The following UBR4 variants were observed in gnomAD, a reference collection of about 807,000 sequenced individuals.
UBR4 encodes ubiquitin protein ligase E3 component n-recognin 4.
Under a neutral mutation model 575.6 loss-of-function variants are expected in UBR4, and 124 were observed. The ratio of observed to expected loss-of-function variants is 0.22; its 90% CI spans 0.19 to 0.25. The LOEUF (loss-of-function observed/expected upper bound fraction) is 0.25, where lower values mean the gene tolerates loss of function less well. Among genes scored for constraint, UBR4 ranks in the 10% least tolerant of loss-of-function variants. UBR4 has a pLI of 1.00. For missense variants in UBR4, 4,818 were observed against 6,478.8 expected (o/e 0.74, Z 8.80); for synonymous variants, 2,455 against 2,473.7 (o/e 0.99, Z 0.22).
Position 19,115,629 on chromosome 1 carries a change from C to T in UBR4, c.10832G>A (p.Arg3611His), listed in dbSNP as rs771012040. The change falls in exon 74 of 106, where the codon CGC becomes CAC. Residue 3611 changes from arginine to histidine, a missense_variant. Around this residue, in one of 29 missense-constraint regions of UBR4, gnomAD observed 550 missense variants for 791.5 expected, o/e 0.69. Coordinates refer to ENST00000375254, the MANE Select transcript of UBR4 (RefSeq NM_020765.3). ...CTGAACCTTCTTGGCTTTGTGCCAG[C>T]GAGCTGGCCTAGGAAAGACAGACAG... Reference protein sequence around the residue: ...AIVELKNKPARWHKAKKVQLT... With the variant: ...AIVELKNKPAHWHKAKKVQLT... The T allele has an allele frequency of 4.9e-5, 79 of 1,613,962 alleles. No individual in the cohort carries two copies. Among genetic ancestry groups the T allele is most frequent in the South Asian group, 3.1e-4 (28 of 91,082 alleles).
chr1:19,172,936 T>C lies in UBR4; in HGVS notation c.3449A>G (p.Lys1150Arg). 1 of 1,614,126 alleles carries C rather than the reference T, an allele frequency of 6.2e-7. No individual in the cohort carries two copies. ...TAGGTTCTTGGTAATCTCAGACGACTTATGAGGATCAGTCTCAGCAGCCAT... is the reference window on the plus strand; with the variant it reads ...TAGGTTCTTGGTAATCTCAGACGACCTATGAGGATCAGTCTCAGCAGCCAT... ...SKMAAETDPH[K>R]SSEITKNLLP... The change falls in exon 25 of 106, where the codon AAG becomes AGG. Residue 1150 changes from lysine (K) to arginine (R), a missense_variant. Transcript: ENST00000375254.
intron 11 of UBR4, among the ~76,000 whole-genome samples, 191 bp from the exon 12 acceptor site, chr1:19,187,731 C>T (rs1458555427): frequency 6.6e-6 from 1 of 152,056 alleles, no homozygotes; most frequent in Non-Finnish European, 1.5e-5. Flanking sequence ...GAACCCCATC[C>T]ACAGATGGCC....
intron 70 of UBR4, 66 bp from the exon 71 acceptor site, chr1:19,119,023 T>G: frequency 6.7e-7 from 1 of 1,482,080 alleles, no homozygotes; most frequent in Non-Finnish European, 9.4e-7. Context: ...AAAAGACTTT[T>G]GTCTTCTGCA....
Position 19,105,104 on chromosome 1 carries a change from T to TCCAGTG in UBR4, c.12583_12588dup (p.His4195_Trp4196dup), listed in dbSNP as rs746205984. 2 of 1,613,966 alleles carry TCCAGTG rather than the reference T, an allele frequency of 1.2e-6. No individual in the cohort carries two copies. Among genetic ancestry groups the TCCAGTG allele is most frequent in the South Asian group, 2.2e-5 (2 of 91,068 alleles). On this transcript the variant is annotated inframe_insertion, in exon 85 of 106. Transcript: ENST00000375254. Reference sequence around the variant, plus strand: ...ACTCCCCGAGCTGCCAAGTAGACTTTCCAGTGCGCAGAAGTGATGAGCTTC... The same window carrying TCCAGTG: ...ACTCCCCGAGCTGCCAAGTAGACTTTCCAGTGCCAGTGCGCAGAAGTGATGAGCTTC...
At chr1:19,098,321 A>G (rs2078266796) in intron 90 of UBR4, among the ~76,000 whole-genome samples, 1 of 152,254 alleles carries the variant, frequency 6.6e-6, no homozygotes, top group Admixed American at 6.5e-5. Context: ...GGCAAGGTAG[A>G]GAAGGGAAGC....
At chr1:19,167,331 A>T (rs1478636771) in intron 28 of UBR4, 100 bp from the exon 29 acceptor site, 3 of 1,311,584 alleles carry the variant, frequency 2.3e-6, no homozygotes, top group South Asian at 2.5e-5. Flanking sequence ...GAAGAGGGGA[A>T]GGGGAATTGC....
At chr1:19,195,749 T>C (rs1199734217) in intron 8 of UBR4, among the ~76,000 whole-genome samples, 1 of 152,138 alleles carries the variant, frequency 6.6e-6, no homozygotes, top group Non-Finnish European at 1.5e-5. Flanking sequence ...GTAGTTTCCC[T>C]GCCTCCAATA....
chr1:19,149,745 G>C, intron 49 of UBR4: 1 of 1,299,498 alleles, frequency 7.7e-7, no homozygotes, highest in South Asian at 1.2e-5. Context: ...GCAGAGAAAA[G>C]AAAGAGGGCA....
chr1:19,105,132 G>A lies in UBR4; in HGVS notation c.12561C>T (p.Tyr4187=). The A allele has an allele frequency of 1.9e-6, 3 of 1,614,028 alleles. No individual in the cohort carries two copies. The highest frequency in any genetic ancestry group is 2.5e-6 in the Non-Finnish European group (3 of 1,179,972). The change falls in exon 85 of 106, where the codon TAC becomes TAT. Residue 4187 remains tyrosine, a synonymous_variant. Transcript: ENST00000375254. ...AGTGCGCAGAAGTGATGAGCTTCTGGTAGAGAGCCAGGTACTCAGCTGCAC... is the reference window on the plus strand; with the variant it reads ...AGTGCGCAGAAGTGATGAGCTTCTGATAGAGAGCCAGGTACTCAGCTGCAC... ...GECAAEYLAL[Y]QKLITSAHWK...
intron 60 of UBR4, among the ~76,000 whole-genome samples, chr1:19,136,821 A>T (rs545015828): frequency 2.0e-5 from 3 of 152,212 alleles, no homozygotes; most frequent in South Asian, 4.1e-4. Flanking sequence ...AGATTTTTTT[A>T]AAACTCTATC....
intron 2 of UBR4, 69 bp from the exon 3 acceptor site, chr1:19,199,823 G>A: frequency 7.1e-7 from 1 of 1,400,198 alleles, no homozygotes. Flanking sequence ...AGCAAAGTAA[G>A]TATTGAGCTC....
At chr1:19,199,525 A>G (rs1186637128) in intron 3 of UBR4, 126 bp downstream of exon 3, 2 of 795,840 alleles carry the variant, frequency 2.5e-6, no homozygotes, top group Non-Finnish European at 4.1e-6. Context: ...AACAGATAAC[A>G]TACAGCCTGC....
chr1:19,101,229 G>A (rs190324662), intron 88 of UBR4, among the ~76,000 whole-genome samples: 2 of 152,288 alleles, frequency 1.3e-5, no homozygotes, highest in East Asian at 3.9e-4. Context: ...ATGTTGGATT[G>A]ATATGCAATG....
At position 19,074,642 on chromosome 1, in the gene UBR4, G is replaced by A; in HGVS notation, c.*190C>T. ...GGCTTGGGTTACAGACAACCTCATA[G>A]CTGGTGCACCACACACACGAGATAA... On this transcript the variant is annotated 3_prime_UTR_variant, in exon 106 of 106. Coordinates refer to ENST00000375254, the MANE Select transcript of UBR4 (RefSeq NM_020765.3). 3.1e-6 allele frequency: 2 copies of A among 649,416 alleles called. No individual in the cohort carries two copies. The highest frequency in any genetic ancestry group is 2.5e-5 in the Admixed American group (1 of 39,864). 40.2% of individuals were successfully genotyped at this position (649,416 alleles called of 1,614,324 possible). A position where few individuals can be genotyped will look rare whatever the true frequency, so the allele number is the denominator to read the frequency against.
rs755266012 is a variant in UBR4, at chr1:19,074,801, C to T, written c.*31G>A. 16 of 1,612,554 alleles carry T rather than the reference C, an allele frequency of 9.9e-6. No homozygotes were observed. The highest frequency in any genetic ancestry group is 4.5e-5 in the East Asian group (2 of 44,866). ...CAGAGGGTGGAAGGCAAGCCAGCTT[C>T]GTCTTCGCCGCCGCAGCTGCTGTGT... On this transcript the variant is annotated 3_prime_UTR_variant, in exon 106 of 106. Coordinates refer to ENST00000375254, the MANE Select transcript of UBR4 (RefSeq NM_020765.3).
chr1:19,153,610 G>A lies in UBR4; in HGVS notation c.6631-108C>T, dbSNP rs746334781. 4.1e-6 allele frequency: 6 copies of A among 1,474,264 alleles called. No individual in the cohort carries two copies. Among genetic ancestry groups the A allele is most frequent in the African/African-American group, 1.4e-5 (1 of 71,256 alleles). The allele number at this position is 1,474,264 out of a possible 1,614,324, so 91.3% of individuals were successfully genotyped here. A position where few individuals can be genotyped will look rare whatever the true frequency, so the allele number is the denominator to read the frequency against. ...TGGTTTCATGGTCAGTTGAGGGGCT[G>A]TACAGAAGGGTGGCAAAGAAAAGGC... is the stretch of plus-strand genomic sequence containing the variant. On this transcript the variant is annotated intron_variant, in intron 45 of 105. Coordinates refer to ENST00000375254, the MANE Select transcript of UBR4 (RefSeq NM_020765.3). The surrounding 1 kb of genome is among the most constrained non-coding windows in gnomAD (Gnocchi z 4.1).
At chr1:19,126,420 T>C in intron 64 of UBR4, 26 bp downstream of exon 64, 1 of 1,613,664 alleles carries the variant, frequency 6.2e-7, no homozygotes, top group Non-Finnish European at 8.5e-7. Context: ...AGGACGAGTG[T>C]TTCTTTGATG....
At position 19,089,614 on chromosome 1, in the gene UBR4, C is replaced by G. The variant is rs2077330632; in HGVS notation, c.14212-637G>C. On this transcript the variant is annotated intron_variant, in intron 97 of 105. Coordinates refer to ENST00000375254, the MANE Select transcript of UBR4 (RefSeq NM_020765.3). This position sits in a 1 kb window ranked among gnomAD's most constrained non-coding sequence, Gnocchi z 4.3. ...TGTGATAAACGGGGGTGGAGAACATCAGAAGGCTAAAGACAGGTGTAGTTG... is the reference window on the plus strand; with the variant it reads ...TGTGATAAACGGGGGTGGAGAACATGAGAAGGCTAAAGACAGGTGTAGTTG... Among the ~76,000 whole-genome samples, 1 of 152,218 alleles carries G rather than the reference C, an allele frequency of 6.6e-6. No individual in the cohort carries two copies. Among genetic ancestry groups the G allele is most frequent in the Admixed American group, 6.5e-5 (1 of 15,286 alleles).
At chr1:19,156,637 C>T in intron 41 of UBR4, 130 bp downstream of exon 41, 2 of 1,399,860 alleles carry the variant, frequency 1.4e-6, no homozygotes, top group Non-Finnish European at 1.9e-6. Context: ...AGAAAAATTC[C>T]TTTTGCATTT....
Sources: allele counts gnomAD v4.1 joint callset (sites outside exome capture counted in the v4.1 genomes callset), GRCh38; gene constraint gnomAD v4.1.1; regional missense constraint gnomAD v4.1.1; non-coding constraint Gnocchi (gnomAD v3.1); transcripts MANE v1.5; gene names NCBI Gene and HGNC (gene_info 2026-07-23, HGNC 2026-07-21).